STAC: variants seen among roughly 807,000 people sequenced by gnomAD.
STAC encodes the protein SH3 and cysteine rich domain.
Under a neutral mutation model 48.8 loss-of-function variants are expected in STAC, and 43 were observed. The ratio of observed to expected loss-of-function variants is 0.88; its 90% CI spans 0.69 to 1.14. STAC has a LOEUF of 1.14. STAC is among the 50% of genes most tolerant of loss of function. The pLI is 0.00. For synonymous variants in STAC, 193 were observed against 179.5 expected, an observed-to-expected ratio of 1.07 and a Z score of -0.60; for missense variants, 497 against 504.0, an observed-to-expected ratio of 0.99 and a Z score of 0.13.
At chr3:36,491,698 T>G (rs1252487898) in intron 5 of STAC, among the ~76,000 whole-genome samples, 1 of 151,904 alleles carries the variant, frequency 6.6e-6, no homozygotes, top group African/African-American at 2.4e-5. Flanking sequence ...TCCGATAAGA[T>G]GTAAATAAAT....
chr3:36,458,591 T>G (rs765360760), intron 2 of STAC, among the ~76,000 whole-genome samples: 2 of 152,154 alleles, frequency 1.3e-5, no homozygotes, highest in Non-Finnish European at 2.9e-5. Flanking sequence ...AGGAACAGTG[T>G]GATATCTACC....
chr3:36,538,076 T>C lies in STAC; in HGVS notation c.1111-8115T>C, dbSNP rs553593684. Among the ~76,000 whole-genome samples, 56 of 152,234 alleles carry C rather than the reference T, an allele frequency of 3.7e-4. 1 individual carries two copies. In the South Asian group the frequency reaches 0.01, roughly 28 times the overall value. ...ATAGAGACCATAAGCAATTCAACCA[T>C]TAAATTATTACCAACATAAACACTG... On this transcript the variant is annotated intron_variant, in intron 10 of 10. Coordinates refer to ENST00000273183, the MANE Select transcript of STAC (RefSeq NM_003149.3).
chr3:36,401,755 C>T (rs1000568424), intron 1 of STAC, among the ~76,000 whole-genome samples: 1 of 152,198 alleles, frequency 6.6e-6, no homozygotes, highest in South Asian at 2.1e-4. Flanking sequence ...AAATTCAAGA[C>T]AGCAATAGCA....
rs374875471 is a variant in STAC, at chr3:36,505,847, T to C, written c.920+13T>C. On this transcript the variant is annotated intron_variant, in intron 8 of 10. Coordinates refer to ENST00000273183, the MANE Select transcript of STAC (RefSeq NM_003149.3). ...ATTTGGAAATGAGGTAAAAACCTTC[T>C]GTAAAGAAAAAAAAGAGTAAAATTT... 2.1e-5 allele frequency: 32 copies of C among 1,559,528 alleles called. No individual in the cohort carries two copies. The highest frequency in any genetic ancestry group is 3.8e-4 in the Middle Eastern group (2 of 5,250).
chr3:36,410,518 AAAC>A (rs1229220586), intron 1 of STAC, among the ~76,000 whole-genome samples: 2 of 152,220 alleles, frequency 1.3e-5, no homozygotes, highest in Non-Finnish European at 2.9e-5. Context: ...CATTTTGGGC[AAAC>A]AGCTCCCCAG....
chr3:36,530,525 C>CTTTATCAT (rs1281246709), intron 10 of STAC, among the ~76,000 whole-genome samples: 3 of 149,546 alleles, frequency 2.0e-5, no homozygotes, highest in Non-Finnish European at 4.4e-5. Flanking sequence ...CTTTAACTGA[C>CTTTATCAT]TTTATCATTT....
At position 36,415,372 on chromosome 3, in the gene STAC, C is replaced by T. The variant is rs1051433431; in HGVS notation, c.112-27992C>T. On this transcript the variant is annotated intron_variant, in intron 1 of 10. Coordinates refer to ENST00000273183, the MANE Select transcript of STAC (RefSeq NM_003149.3). ...CTACTCAAGCCTCAGCAATGGCAGG[C>T]GCCCCTCCCCCAGCCTCGTTGCCAC... is the stretch of plus-strand genomic sequence containing the variant. Among the ~76,000 whole-genome samples, 7 of 152,316 alleles carry T rather than the reference C, an allele frequency of 4.6e-5. No homozygotes were observed. In the East Asian group the frequency reaches 5.8e-4, roughly 13 times the overall value.
At chr3:36,536,446 T>C (rs1383122729) in intron 10 of STAC, among the ~76,000 whole-genome samples, 1 of 151,974 alleles carries the variant, frequency 6.6e-6, no homozygotes, top group Non-Finnish European at 1.5e-5. Flanking sequence ...AGACCACACA[T>C]CTACAACCAT....
intron 8 of STAC, among the ~76,000 whole-genome samples, chr3:36,520,202 G>T (rs1699725433): frequency 6.6e-6 from 1 of 152,126 alleles, no homozygotes. Flanking sequence ...AGTTAGAATG[G>T]TTAAGTCACT....
intron 1 of STAC, among the ~76,000 whole-genome samples, chr3:36,417,515 A>C (rs951516810): frequency 4.6e-5 from 7 of 152,236 alleles, no homozygotes; most frequent in Non-Finnish European, 1.0e-4. Context: ...GAGTTCTCAG[A>C]ACAATGTAAA....
chr3:36,533,709 G>C lies in STAC; in HGVS notation c.1110+4724G>C, dbSNP rs561663153. 7.2e-5 allele frequency among the ~76,000 whole-genome samples: 11 copies of C among 151,930 alleles called. No individual in the cohort carries two copies. The East Asian group carries it at 2.1e-3, about 29-fold the overall frequency. On this transcript the variant is annotated intron_variant, in intron 10 of 10. Transcript: ENST00000273183. ...ACTGGGCCTCATACCTGCATTCTCT[G>C]CCCTCATGGTTAAACTGAATCTGCT...
At chr3:36,494,722 C>A (rs1331252671) in intron 6 of STAC, among the ~76,000 whole-genome samples, 1 of 152,198 alleles carries the variant, frequency 6.6e-6, no homozygotes, top group Non-Finnish European at 1.5e-5. Flanking sequence ...ATGAGGGAAA[C>A]TGTACTTTTA....
chr3:36,474,572 G>C (rs1275336232), intron 2 of STAC, among the ~76,000 whole-genome samples: 2 of 152,072 alleles, frequency 1.3e-5, no homozygotes, highest in African/African-American at 2.4e-5. Flanking sequence ...CCAGACCCTA[G>C]TCCTGTTCCT....
At chr3:36,477,510 G>A (rs1697524511) in intron 2 of STAC, among the ~76,000 whole-genome samples, 1 of 151,810 alleles carries the variant, frequency 6.6e-6, no homozygotes, top group African/African-American at 2.4e-5. Flanking sequence ...ATGCTATTTA[G>A]TGTAGTAGGT....
intron 2 of STAC, among the ~76,000 whole-genome samples, chr3:36,470,437 T>C (rs1377316177): frequency 2.6e-5 from 4 of 152,254 alleles, no homozygotes; most frequent in Non-Finnish European, 4.4e-5. Context: ...GTCTTTCAGC[T>C]ATGGATTCCA....
intron 10 of STAC, among the ~76,000 whole-genome samples, chr3:36,534,578 T>A: frequency 6.7e-6 from 1 of 148,808 alleles, no homozygotes; most frequent in East Asian, 1.9e-4. Context: ...TCATAATTAT[T>A]GTATTTTTTT....
intron 5 of STAC, among the ~76,000 whole-genome samples, chr3:36,492,507 T>C (rs1050744125): frequency 6.6e-6 from 1 of 152,294 alleles, no homozygotes; most frequent in Middle Eastern, 3.4e-3. Flanking sequence ...ATAAATGAGA[T>C]GGTATCTATA....
chr3:36,445,503 G>C (rs2125669110), intron 2 of STAC, among the ~76,000 whole-genome samples: 2 of 152,268 alleles, frequency 1.3e-5, no homozygotes, highest in Middle Eastern at 6.8e-3. Flanking sequence ...GGAGGAAGGA[G>C]GTGAGAAGAG....
chr3:36,451,233 C>T (rs1392409162), intron 2 of STAC, among the ~76,000 whole-genome samples: 1 of 152,078 alleles, frequency 6.6e-6, no homozygotes, highest in Non-Finnish European at 1.5e-5. Flanking sequence ...CTAATAATTA[C>T]CTCTGAGAGT....
Sources: gnomAD v4.1 joint callset for allele counts (sites outside exome capture counted in the v4.1 genomes callset) on GRCh38, gnomAD v4.1.1 for gene constraint, MANE v1.5 for transcripts, NCBI Gene and HGNC (gene_info 2026-07-23, HGNC 2026-07-21) for gene names.